The following LRP1 variants were observed in gnomAD, a reference collection of about 807,000 sequenced individuals.
LRP1 encodes LDL receptor related protein 1.
In LRP1, 51 loss-of-function variants were observed where a neutral mutation model predicts 541.5. That is an observed-to-expected ratio of 0.09 (90% CI 0.08 to 0.12). LRP1 has a LOEUF of 0.12. LRP1 is among the 10% of genes least tolerant of loss of function. The pLI, the probability that LRP1 is intolerant of heterozygous loss-of-function variation, is 1.00. For synonymous variants in LRP1, 2,219 were observed against 2,470.8 expected (o/e 0.90, Z 3.02); for missense variants, 3,878 against 6,376.2 (o/e 0.61, Z 13.34).
rs754890370 is a variant in LRP1, at chr12:57,203,478, C to T, written c.10908C>T (p.Ala3636=). Residue 3636 remains alanine, a synonymous_variant, in exon 70 of 89, where the codon GCC becomes GCT. Coordinates refer to ENST00000243077, the MANE Select transcript of LRP1 (RefSeq NM_002332.3). The part of the protein sequence containing the change: ...IPLRWRCDAD[A]DCMDGSDEEA... ...TGCGCTGGCGCTGTGACGCAGACGCCGACTGCATGGACGGCAGCGACGAGG... is the reference window on the plus strand; with the variant it reads ...TGCGCTGGCGCTGTGACGCAGACGCTGACTGCATGGACGGCAGCGACGAGG... 5 of 1,581,090 alleles carry T rather than the reference C, an allele frequency of 3.2e-6. No homozygotes were observed. In the South Asian group the frequency reaches 3.4e-5, roughly 11 times the overall value.
At position 57,212,007 on chromosome 12, in the gene LRP1, C is replaced by A. The variant is rs1251539400; in HGVS notation, c.13339C>A (p.Arg4447=). ...CGGAGTGGTATTCTGGTATAAGCGG[C>A]GAGTCCAAGGGTGAGTCACAGGGAT... ...VAGVVFWYKR[R]VQGAKGFQHQ... is the part of the protein sequence containing the mutation. Residue 4447 remains arginine, a synonymous_variant, in exon 87 of 89, where the codon CGA becomes AGA. Transcript: ENST00000243077. This position sits in a 1 kb window ranked among gnomAD's most constrained non-coding sequence, Gnocchi z 5.0. 7 of 1,613,972 alleles carry A rather than the reference C, an allele frequency of 4.3e-6. No individual in the cohort carries two copies. In the African/African-American group the frequency reaches 9.3e-5, roughly 22 times the overall value.
At position 57,162,256 on chromosome 12, in the gene LRP1, G is replaced by A. The variant is rs987384110; in HGVS notation, c.2203-61G>A. 2 of 1,361,234 alleles carry A rather than the reference G, an allele frequency of 1.5e-6. No homozygotes were observed. The highest frequency in any genetic ancestry group is 2.1e-6 in the Non-Finnish European group (2 of 952,156). 84.3% of individuals were successfully genotyped at this position (1,361,234 alleles called of 1,614,324 possible). A position where few individuals can be genotyped will look rare whatever the true frequency, so the allele number is the denominator to read the frequency against. ...TAGACAAATGAATGTACAAAACAGT[G>A]ATCTCACAGGCCTCCCTCAATTTTC... On this transcript the variant is annotated intron_variant, in intron 13 of 88. Transcript: ENST00000243077. This position sits in a 1 kb window ranked among gnomAD's most constrained non-coding sequence, Gnocchi z 5.2.
At position 57,156,959 on chromosome 12, in the gene LRP1, C is replaced by A; in HGVS notation, c.1561+39C>A. 6.6e-7 allele frequency: 1 copy of A among 1,524,334 alleles called. No individual in the cohort carries two copies. Among genetic ancestry groups the A allele is most frequent in the Non-Finnish European group, 8.8e-7 (1 of 1,130,206 alleles). 94.4% of individuals were successfully genotyped at this position (1,524,334 alleles called of 1,614,324 possible). ...AAGGGGGTGTGTGCCCATTGGGAGGCTGCGGGAGGGTTCCTCAGGTGTCCC... is the reference window on the plus strand; with the variant it reads ...AAGGGGGTGTGTGCCCATTGGGAGGATGCGGGAGGGTTCCTCAGGTGTCCC... On this transcript the variant is annotated intron_variant, in intron 10 of 88. Coordinates refer to ENST00000243077, the MANE Select transcript of LRP1 (RefSeq NM_002332.3). This position sits in a 1 kb window ranked among gnomAD's most constrained non-coding sequence, Gnocchi z 5.2.
intron 1 of LRP1, among the ~76,000 whole-genome samples, chr12:57,135,464 C>T (rs2035138588): frequency 6.6e-6 from 1 of 152,188 alleles, no homozygotes; most frequent in African/African-American, 2.4e-5. Flanking sequence ...GTGAGGCTTC[C>T]CTTGGCTGTG....
Position 57,169,273 on chromosome 12 carries a change from C to T in LRP1, c.3129C>T (p.Tyr1043=). ...ATGGGGACAATGACTGCGGAGACTA[C>T]AGTGATGAGACACACGCCAACTGCA... is the stretch of plus-strand genomic sequence containing the variant. ...TCDGDNDCGD[Y]SDETHANCTN... is the part of the protein sequence containing the mutation. Residue 1043 remains tyrosine, a synonymous_variant, in exon 20 of 89, where the codon TAC becomes TAT. Coordinates refer to ENST00000243077, the MANE Select transcript of LRP1 (RefSeq NM_002332.3). 2 of 1,613,140 alleles carry T rather than the reference C, an allele frequency of 1.2e-6. No individual in the cohort carries two copies. The highest frequency in any genetic ancestry group is 4.5e-5 in the East Asian group (2 of 44,860).
intron 23 of LRP1, 92 bp downstream of exon 23, chr12:57,175,797 T>G: frequency 6.4e-7 from 1 of 1,551,702 alleles, no homozygotes; most frequent in Non-Finnish European, 8.7e-7. Flanking sequence ...AAAGGCTGAG[T>G]TTTCCACCCT....
At position 57,204,517 on chromosome 12, in the gene LRP1, C is replaced by T. The variant is rs1346472476; in HGVS notation, c.11059C>T (p.Pro3687Ser). Residue 3687 changes from proline to serine, a missense_variant, in exon 71 of 89, where the codon CCC becomes TCC. Physicochemically the swap from Pro to Ser is moderately conservative, Grantham distance 74 (BLOSUM62 -1). Coordinates refer to ENST00000243077, the MANE Select transcript of LRP1 (RefSeq NM_002332.3). The surrounding 1 kb of genome is among the most constrained non-coding windows in gnomAD (Gnocchi z 5.3). ...CTGTGGGGACAACTCAGATGAGAACCCCGAGGAGTGTGGTGAGATTTGGGG... is the reference window on the plus strand; with the variant it reads ...CTGTGGGGACAACTCAGATGAGAACTCCGAGGAGTGTGGTGAGATTTGGGG... ...DDCGDNSDEN[P>S]EECARFVCPP... 5.0e-6 allele frequency: 8 copies of T among 1,601,504 alleles called. No homozygotes were observed. The highest frequency in any genetic ancestry group is 2.2e-5 in the East Asian group (1 of 44,660).
At position 57,128,736 on chromosome 12, in the gene LRP1, G is replaced by A; in HGVS notation, c.-229G>A. 2.3e-6 allele frequency: 1 copy of A among 441,774 alleles called. No individual in the cohort carries two copies. Among genetic ancestry groups the A allele is most frequent in the East Asian group, 3.4e-5 (1 of 29,586 alleles). The allele number at this position is 441,774 out of a possible 1,614,324, so 27.4% of individuals were successfully genotyped here. ...GTGAAGCGGGGGGGTGGGGTGAAGG[G>A]TTTGGATTTCGGGGCAGGGGGCGCA... On this transcript the variant is annotated 5_prime_UTR_variant, in exon 1 of 89. Transcript: ENST00000243077.
At chr12:57,192,750 G>C (rs1163418517) in intron 44 of LRP1, 95 bp from the exon 45 acceptor site, 1 of 1,536,054 alleles carries the variant, frequency 6.5e-7, no homozygotes, top group East Asian at 2.3e-5. Flanking sequence ...AGAGGCTTGG[G>C]AGCTCCATGA....
At position 57,197,673 on chromosome 12, in the gene LRP1, G is replaced by C. The variant is rs1324459845; in HGVS notation, c.9282+9G>C. 1 of 1,611,278 alleles carries C rather than the reference G, an allele frequency of 6.2e-7. No individual in the cohort carries two copies. The highest frequency in any genetic ancestry group is 1.3e-5 in the African/African-American group (1 of 74,760). On this transcript the variant is annotated intron_variant, in intron 58 of 88. Coordinates refer to ENST00000243077, the MANE Select transcript of LRP1 (RefSeq NM_002332.3). The surrounding 1 kb of genome is among the most constrained non-coding windows in gnomAD (Gnocchi z 4.5). ...ACGGGAGCAATGTGCAGGTGAGGCG[G>C]GCGGCCCTCGGCGACCAACACTGGC... is the stretch of plus-strand genomic sequence containing the variant.
chr12:57,198,704 A>G lies in LRP1; in HGVS notation c.9676+34A>G, dbSNP rs1416431637. 1.9e-6 allele frequency: 3 copies of G among 1,571,928 alleles called. No homozygotes were observed. In the Admixed American group the frequency reaches 5.4e-5, roughly 28 times the overall value. On this transcript the variant is annotated intron_variant, in intron 60 of 88. Transcript: ENST00000243077. ...GCCAGTGAGGCTGTCCAGGCACAGCAGACTCAGTGGGGATGGAGGTCTGAA... is the reference window on the plus strand; with the variant it reads ...GCCAGTGAGGCTGTCCAGGCACAGCGGACTCAGTGGGGATGGAGGTCTGAA...
intron 20 of LRP1, among the ~76,000 whole-genome samples, chr12:57,172,062 CTTTT>C (rs57732385): frequency 7.9e-6 from 1 of 126,848 alleles, no homozygotes; most frequent in African/African-American, 2.9e-5. Context: ...TTTCTTTTTT[CTTTT>C]TTTTTTTTTT....
At chr12:57,167,871 A>G (rs2035870707) in intron 19 of LRP1, among the ~76,000 whole-genome samples, 1 of 152,106 alleles carries the variant, frequency 6.6e-6, no homozygotes, top group Non-Finnish European at 1.5e-5. Context: ...GCAAACCCCC[A>G]TTTCCTGGAG....
In LRP1 at chr12:57,205,074, G is replaced by A; in HGVS notation, c.11195-35G>A. 6.3e-7 allele frequency: 1 copy of A among 1,588,554 alleles called. No homozygotes were observed. The highest frequency in any genetic ancestry group is 8.6e-7 in the Non-Finnish European group (1 of 1,164,274). ...TGCCGTGGGAGGAGGAGGCAGGGGAGAATACCCAGGGCCTAAAGCCTCTGC... is the reference window on the plus strand; with the variant it reads ...TGCCGTGGGAGGAGGAGGCAGGGGAAAATACCCAGGGCCTAAAGCCTCTGC... On this transcript the variant is annotated intron_variant, in intron 72 of 88. Transcript: ENST00000243077. The surrounding 1 kb of genome is among the most constrained non-coding windows in gnomAD (Gnocchi z 4.6).
In LRP1 at chr12:57,184,028, C is replaced by A; in HGVS notation, c.5930-57C>A. ...GTAGGGGTGCCTGGGAGCTTGGAGA[C>A]ACCAGGTCCACCTGTCCTCACCTAA... On this transcript the variant is annotated intron_variant, in intron 36 of 88. Coordinates refer to ENST00000243077, the MANE Select transcript of LRP1 (RefSeq NM_002332.3). This position sits in a 1 kb window ranked among gnomAD's most constrained non-coding sequence, Gnocchi z 7.8. The A allele has an allele frequency of 6.2e-7, 1 of 1,600,846 alleles. No individual in the cohort carries two copies. Among genetic ancestry groups the A allele is most frequent in the Non-Finnish European group, 8.5e-7 (1 of 1,172,094 alleles).
chr12:57,141,459 C>T lies in LRP1; in HGVS notation c.276C>T (p.Cys92=), dbSNP rs1412943846. Residue 92 remains cysteine (C), a synonymous_variant, in exon 3 of 89, where the codon TGC becomes TGT. Transcript: ENST00000243077. ...TGTGTGTTCCCATGTCCCGCCTCTG[C>T]AATGGGGTCCAGGACTGCATGGACG... The part of the protein sequence containing the change: ...TELCVPMSRL[C]NGVQDCMDGS... 1 of 1,614,062 alleles carries T rather than the reference C, an allele frequency of 6.2e-7. No individual in the cohort carries two copies. Among genetic ancestry groups the T allele is most frequent in the African/African-American group, 1.3e-5 (1 of 74,924 alleles).
intron 76 of LRP1, 131 bp from the exon 77 acceptor site, chr12:57,207,907 T>C (rs1442616263): frequency 2.0e-6 from 2 of 998,282 alleles, no homozygotes; most frequent in African/African-American, 1.6e-5. Flanking sequence ...TCCATGCCGG[T>C]TGAATCTCTT....
Position 57,167,492 on chromosome 12 carries a change from G to T in LRP1, c.2963G>T (p.Arg988Ile). The stretch of plus-strand genomic sequence containing the variant: ...ACTCAGTTTACCTGCAACAATGGCA[G>T]ATGTATCAACATCAACTGGAGATGC... ...PLTQFTCNNG[R>I]CININWRCDN... The change falls in exon 19 of 89, where the codon AGA becomes ATA. Residue 988 changes from arginine (R) to isoleucine (I), a missense_variant. By Grantham distance (97) the Arg-to-Ile change is moderately conservative. This residue lies in a region of LRP1 where 320 missense variants were observed against 547.9 expected (regional missense o/e 0.58). Transcript: ENST00000243077. The T allele has an allele frequency of 6.2e-7, 1 of 1,614,166 alleles. No individual in the cohort carries two copies. The highest frequency in any genetic ancestry group is 8.5e-7 in the Non-Finnish European group (1 of 1,179,998).
At position 57,204,618 on chromosome 12, in the gene LRP1, C is replaced by G. The variant is rs761949448; in HGVS notation, c.11072-9C>G. ...TAATTCTGGCTCTGTGTCCCCCTGG[C>G]TGCTGCAGCCCGGTTCGTGTGCCCT... On this transcript the variant is annotated splice_polypyrimidine_tract_variant and intron_variant, in intron 71 of 88. Coordinates refer to ENST00000243077, the MANE Select transcript of LRP1 (RefSeq NM_002332.3). The surrounding 1 kb of genome is among the most constrained non-coding windows in gnomAD (Gnocchi z 5.3). 9.9e-6 allele frequency: 16 copies of G among 1,613,566 alleles called. No homozygotes were observed. The highest frequency in any genetic ancestry group is 8.5e-6 in the Non-Finnish European group (10 of 1,179,838).
Sources: gnomAD v4.1 joint callset for allele counts (sites outside exome capture counted in the v4.1 genomes callset) on GRCh38, gnomAD v4.1.1 for gene constraint, gnomAD v4.1.1 regional missense constraint, Gnocchi (gnomAD v3.1) non-coding constraint, MANE v1.5 for transcripts, NCBI Gene and HGNC (gene_info 2026-07-23, HGNC 2026-07-21) for gene names.